METTL17: variants seen among roughly 807,000 people sequenced by gnomAD.
METTL17 encodes ribosome assembly protein METTL17, mitochondrial.
Under a neutral mutation model 59.4 loss-of-function variants are expected in METTL17, and 49 were observed. The observed-to-expected ratio is 0.82, with a 90% CI of 0.66 to 1.05. The LOEUF is 1.05. Ranked by LOEUF, METTL17 falls within the 50% of genes least tolerant of loss-of-function variation. The pLI is 0.00. For synonymous variants in METTL17, 208 were observed against 209.2 expected (o/e 0.99, Z 0.05); for missense variants, 555 against 578.4 (o/e 0.96, Z 0.41).
Position 20,996,595 on chromosome 14 carries a change from T to C in METTL17, c.1149T>C (p.His383=). 3 of 1,614,250 alleles carry C rather than the reference T, an allele frequency of 1.9e-6. No homozygotes were observed. The highest frequency in any genetic ancestry group is 2.5e-6 in the Non-Finnish European group (3 of 1,180,048). Residue 383 remains histidine, a synonymous_variant, in exon 13 of 14, where the codon CAT becomes CAC. Coordinates refer to ENST00000339374, the MANE Select transcript of METTL17 (RefSeq NM_022734.3). ...ILARGSPEEA[H]RWPRITQPVL... Reference sequence around the variant, plus strand: ...CTCGGGGGTCTCCAGAGGAGGCTCATCGCTGGCCCCGTATCACTCAGCCTG... The same window carrying C: ...CTCGGGGGTCTCCAGAGGAGGCTCACCGCTGGCCCCGTATCACTCAGCCTG...
rs537387761 is a variant in METTL17, at chr14:20,993,686, G to A, written c.603-283G>A. On this transcript the variant is annotated intron_variant, in intron 6 of 13. Coordinates refer to ENST00000339374, the MANE Select transcript of METTL17 (RefSeq NM_022734.3). ...GACGGGGTTTCACCATATTGGCCAG[G>A]CTGGTCTCTAACTCCTGACCTTGTG... The A allele has an allele frequency of 7.9e-5, 19 of 241,650 alleles. No homozygotes were observed. The South Asian group carries it at 1.3e-3, about 16-fold the overall frequency. The allele number at this position is 241,650 out of a possible 1,614,324, so 15.0% of individuals were successfully genotyped here. A position where few individuals can be genotyped will look rare whatever the true frequency, so the allele number is the denominator to read the frequency against.
chr14:20,994,221 T>C (rs1880222354), intron 7 of METTL17, among the ~76,000 whole-genome samples, 158 bp downstream of exon 7: 1 of 151,954 alleles, frequency 6.6e-6, no homozygotes, highest in Non-Finnish European at 1.5e-5. Context: ...TAGAGGTTTC[T>C]GCTGGACTGA....
At chr14:20,996,415 T>C (rs2138743061) in intron 12 of METTL17, 112 bp from the exon 13 acceptor site, 1 of 1,475,880 alleles carries the variant, frequency 6.8e-7, no homozygotes. Flanking sequence ...GGCCTACATG[T>C]ATATGATTTA....
At chr14:20,995,067 G>T in intron 9 of METTL17, 98 bp from the exon 10 acceptor site, 1 of 1,246,266 alleles carries the variant, frequency 8.0e-7, no homozygotes, top group South Asian at 1.2e-5. Flanking sequence ...TTTCTTTTTA[G>T]GACTCCTTCT....
Position 20,996,254 on chromosome 14 carries a change from A to G in METTL17, c.1042A>G (p.Ser348Gly). ...TCCCCAGTTGACCAACCTGGCCTGT[A>G]GCTTCTCACAGGCGTACCATCCCAT... ...PCPQLTNLAC[S>G]FSQAYHPIPF... The change falls in exon 12 of 14, where the codon AGC becomes GGC. Residue 348 changes from serine to glycine, a missense_variant. Coordinates refer to ENST00000339374, the MANE Select transcript of METTL17 (RefSeq NM_022734.3). 6.2e-7 allele frequency: 1 copy of G among 1,614,116 alleles called. No individual in the cohort carries two copies. Among genetic ancestry groups the G allele is most frequent in the Non-Finnish European group, 8.5e-7 (1 of 1,180,006 alleles).
chr14:20,992,093 T>C, intron 3 of METTL17, 31 bp from the exon 4 acceptor site: 1 of 1,608,564 alleles, frequency 6.2e-7, no homozygotes, highest in Non-Finnish European at 8.5e-7. Context: ...TCTCCCTAGG[T>C]CCTGACTTCC....
chr14:20,996,973 C>A lies in METTL17; in HGVS notation c.*83C>A. The A allele has an allele frequency of 1.5e-6, 2 of 1,336,894 alleles. No homozygotes were observed. The highest frequency in any genetic ancestry group is 2.0e-6 in the Non-Finnish European group (2 of 989,456). 82.8% of individuals were successfully genotyped at this position (1,336,894 alleles called of 1,614,324 possible). On this transcript the variant is annotated 3_prime_UTR_variant, in exon 14 of 14. Coordinates refer to ENST00000339374, the MANE Select transcript of METTL17 (RefSeq NM_022734.3). ...GTATCCAGGAGGGGAATGCTGGTAT[C>A]CCCATATGTCTGTGTTTGTTTGAGA...
chr14:20,995,079 C>T, intron 9 of METTL17, 86 bp from the exon 10 acceptor site: 1 of 1,307,686 alleles, frequency 7.6e-7, no homozygotes, highest in South Asian at 1.2e-5. Context: ...ACTCCTTCTC[C>T]CTCTATGATT....
chr14:20,992,887 T>TA (rs36112108), intron 5 of METTL17: 166,032 of 597,098 alleles, frequency 0.28, 23,292 homozygotes, highest in South Asian at 0.33. Context: ...CCTCATCTCT[T>TA]AAAAAAAACA....
chr14:20,990,001 C>A lies in METTL17; in HGVS notation c.-2C>A, dbSNP rs1339828005. 1.9e-6 allele frequency: 3 copies of A among 1,588,462 alleles called. No individual in the cohort carries two copies. The highest frequency in any genetic ancestry group is 2.6e-6 in the Non-Finnish European group (3 of 1,164,542). ...TTCCGTTTCCGGTTCGCCTCCGGAG[C>A]CATGGCGGCGGCACTGAAGTGTCTA... On this transcript the variant is annotated 5_prime_UTR_variant, in exon 1 of 14. Coordinates refer to ENST00000339374, the MANE Select transcript of METTL17 (RefSeq NM_022734.3).
intron 9 of METTL17, 57 bp downstream of exon 9, chr14:20,994,958 C>A (rs988752890): frequency 1.5e-6 from 2 of 1,376,224 alleles, no homozygotes; most frequent in African/African-American, 1.4e-5. Flanking sequence ...GGATTTCATG[C>A]CTTTGCTCCT....
In METTL17 at chr14:20,990,605, C is replaced by T; in HGVS notation, c.364+7C>T. 1 of 1,613,148 alleles carries T rather than the reference C, an allele frequency of 6.2e-7. No homozygotes were observed. Among genetic ancestry groups the T allele is most frequent in the Non-Finnish European group, 8.5e-7 (1 of 1,179,792 alleles). ...AAATTCCTGGAAAACCCAGGTAGGACTTAAGAATAATTAAAAAGTGGGCGA... is the reference window on the plus strand; with the variant it reads ...AAATTCCTGGAAAACCCAGGTAGGATTTAAGAATAATTAAAAAGTGGGCGA... On this transcript the variant is annotated splice_region_variant and intron_variant, in intron 3 of 13. Coordinates refer to ENST00000339374, the MANE Select transcript of METTL17 (RefSeq NM_022734.3).
chr14:20,996,915 T>C lies in METTL17; in HGVS notation c.*25T>C, dbSNP rs768150108. 3 of 1,585,548 alleles carry C rather than the reference T, an allele frequency of 1.9e-6. No homozygotes were observed. In the South Asian group the frequency reaches 3.3e-5, roughly 18 times the overall value. On this transcript the variant is annotated 3_prime_UTR_variant, in exon 14 of 14. Transcript: ENST00000339374. ...ATGAGGATGTGTAACAAGTATTTTC[T>C]TCTATCGTGCCTGCCAGGGCTGAAG...
In METTL17 at chr14:20,996,293, G is replaced by T. The variant is rs762921469; in HGVS notation, c.1080+1G>T. ...GTACCATCCCATCCCCTTCAGCTGG[G>T]TAGGTACCTGGGGATATTGCAGCAG... is the stretch of plus-strand genomic sequence containing the variant. On this transcript the variant is annotated splice_donor_variant, in intron 12 of 13. Transcript: ENST00000339374. LOFTEE classifies it high-confidence loss of function. The T allele has an allele frequency of 3.7e-6, 6 of 1,613,786 alleles. No individual in the cohort carries two copies. In the East Asian group the frequency reaches 1.1e-4, roughly 30 times the overall value.
chr14:20,990,751 G>T, intron 3 of METTL17, 153 bp downstream of exon 3: 4 of 923,662 alleles, frequency 4.3e-6, no homozygotes, highest in Non-Finnish European at 4.8e-6. Flanking sequence ...CTTACTAAAA[G>T]AAGGTAGATT....
chr14:20,991,106 G>A (rs1880010094), intron 3 of METTL17, among the ~76,000 whole-genome samples: 1 of 152,086 alleles, frequency 6.6e-6, no homozygotes, highest in South Asian at 2.1e-4. Flanking sequence ...AGGATTACAG[G>A]CATGAACCAC....
In METTL17 at chr14:20,996,768, A is replaced by G. The variant is rs766083345; in HGVS notation, c.1266-17A>G. Reference sequence around the variant, plus strand: ...GTGGCAGGAAGCTGCAGCCCACGCCAGCATCTGTTTCCACAGGGATTTGTA... The same window carrying G: ...GTGGCAGGAAGCTGCAGCCCACGCCGGCATCTGTTTCCACAGGGATTTGTA... On this transcript the variant is annotated splice_polypyrimidine_tract_variant and intron_variant, in intron 13 of 13. Coordinates refer to ENST00000339374, the MANE Select transcript of METTL17 (RefSeq NM_022734.3). The G allele has an allele frequency of 1.4e-5, 23 of 1,614,114 alleles. No homozygotes were observed. Among genetic ancestry groups the G allele is most frequent in the Non-Finnish European group, 1.9e-5 (23 of 1,180,048 alleles).
intron 6 of METTL17, 180 bp downstream of exon 6, chr14:20,993,371 TAAAAG>T: frequency 2.0e-6 from 1 of 491,850 alleles, no homozygotes; most frequent in Non-Finnish European, 3.6e-6. Flanking sequence ...GGCCAGAACT[TAAAAG>T]AAATGTCAAG....
In METTL17 at chr14:20,997,032, G is replaced by A. The variant is rs1041033181; in HGVS notation, c.*142G>A. 16 of 947,942 alleles carry A rather than the reference G, an allele frequency of 1.7e-5. No homozygotes were observed. Among genetic ancestry groups the A allele is most frequent in the Middle Eastern group, 3.4e-4 (1 of 2,938 alleles). 58.7% of individuals were successfully genotyped at this position (947,942 alleles called of 1,614,324 possible). A position where few individuals can be genotyped will look rare whatever the true frequency, so the allele number is the denominator to read the frequency against. ...AATAAATAATAAATTTTTGAAGAAT[G>A]GAAGTGGATTTTGTGATTCTTAAAA... On this transcript the variant is annotated 3_prime_UTR_variant, in exon 14 of 14. Coordinates refer to ENST00000339374, the MANE Select transcript of METTL17 (RefSeq NM_022734.3).
Sources: allele counts gnomAD v4.1 joint callset (sites outside exome capture counted in the v4.1 genomes callset), GRCh38; gene constraint gnomAD v4.1.1; transcripts MANE v1.5; gene names NCBI Gene and HGNC (gene_info 2026-07-23, HGNC 2026-07-21).